The following TMEM268 variants were observed in gnomAD, a reference collection of about 807,000 sequenced individuals.
TMEM268 encodes transmembrane protein C9orf91.
In TMEM268, 24 loss-of-function variants were observed where a neutral mutation model predicts 39.1. That is an observed-to-expected ratio of 0.61 (90% confidence interval 0.44 to 0.86). The LOEUF (loss-of-function observed/expected upper bound fraction) is 0.86, where lower values mean the gene tolerates loss of function less well. TMEM268 is among the 40% of genes least tolerant of loss of function. TMEM268 has a pLI of 0.00. For synonymous variants in TMEM268, 176 were observed against 173.5 expected (o/e 1.01, Z -0.12); for missense variants, 409 against 428.6 (o/e 0.95, Z 0.40).
upstream of TMEM268, among the ~76,000 whole-genome samples, chr9:114,609,748 AAAGAAAG>A (rs1246681462): frequency 2.2e-5 from 1 of 46,014 alleles, no homozygotes; most frequent in African/African-American, 8.1e-5. Context: ...GGAAGGAAAG[AAAGAAAG>A]AAAGAAAGAA....
At chr9:114,622,572 A>G in intron 2 of TMEM268, 1 of 919,166 alleles carries the variant, frequency 1.1e-6, no homozygotes, top group Non-Finnish European at 1.3e-6. Context: ...TTTTCTCTCC[A>G]GCTGGTCTCA....
chr9:114,608,387 C>T (rs1346504431), upstream of TMEM268, among the ~76,000 whole-genome samples: 1 of 152,206 alleles, frequency 6.6e-6, no homozygotes, highest in African/African-American at 2.4e-5. Flanking sequence ...AGTGGTAGAG[C>T]CTGGTGGGCC....
chr9:114,628,986 G>A (rs1198580513), intron 5 of TMEM268, among the ~76,000 whole-genome samples: 3 of 152,130 alleles, frequency 2.0e-5, no homozygotes, highest in Non-Finnish European at 4.4e-5. Flanking sequence ...TAAATCCTTC[G>A]ACATTAAATC....
chr9:114,638,564 G>T lies in TMEM268; in HGVS notation c.687G>T (p.Leu229Phe), dbSNP rs749703586. 5.0e-5 allele frequency: 80 copies of T among 1,585,936 alleles called. No individual in the cohort carries two copies. Among genetic ancestry groups the T allele is most frequent in the Middle Eastern group, 1.7e-4 (1 of 5,994 alleles). The change falls in exon 8 of 9, where the codon TTG (leucine) becomes TTT (phenylalanine). Residue 229 changes from leucine (L) to phenylalanine (F), a missense_variant. By Grantham distance (22) the Leu-to-Phe change is conservative. Transcript: ENST00000288502. ...TGCAGTCCTTGCTGAGAAGCAGATT[G>T]AGCCAGTTGTGTGTTGTCATGGAGA... ...TSQESLLRSR[L>F]SQLCVVMETG... is the part of the protein sequence containing the mutation.
chr9:114,616,723 C>A (rs1328501290), intron 1 of TMEM268, among the ~76,000 whole-genome samples: 2 of 151,732 alleles, frequency 1.3e-5, no homozygotes, highest in African/African-American at 4.8e-5. Context: ...TACTTGAAAT[C>A]CTGTGTGTAA....
chr9:114,641,837 A>G (rs1258441314), intron 8 of TMEM268, among the ~76,000 whole-genome samples: 4 of 151,550 alleles, frequency 2.6e-5, no homozygotes, highest in African/African-American at 7.3e-5. Flanking sequence ...ACGGGGTTTC[A>G]CCATGTTGAC....
intron 5 of TMEM268, among the ~76,000 whole-genome samples, chr9:114,632,065 T>C: frequency 6.9e-6 from 1 of 144,232 alleles, no homozygotes; most frequent in East Asian, 2.1e-4. Flanking sequence ...ACCACTGCAT[T>C]CCAACCTGGG....
At chr9:114,609,731 G>GAAA (rs1554755158), upstream of TMEM268, among the ~76,000 whole-genome samples, 1,903 of 76,254 alleles carry the variant, frequency 0.025, 22 homozygotes, top group Admixed American at 0.037. Flanking sequence ...AAAAGAAAAA[G>GAAA]AAGGAAGGAA....
chr9:114,618,200 A>G (rs1334367328), intron 2 of TMEM268, among the ~76,000 whole-genome samples: 1 of 152,140 alleles, frequency 6.6e-6, no homozygotes, highest in African/African-American at 2.4e-5. Flanking sequence ...TAAAATACAC[A>G]TTTAGTCCAA....
intron 8 of TMEM268, among the ~76,000 whole-genome samples, chr9:114,642,239 T>C (rs1175221112): frequency 6.6e-6 from 1 of 152,136 alleles, no homozygotes; most frequent in Non-Finnish European, 1.5e-5. Context: ...TTTTACTTTC[T>C]CTCCCTGTGA....
chr9:114,628,198 C>G lies in TMEM268; in HGVS notation c.422C>G (p.Ala141Gly). 1 of 1,614,170 alleles carries G rather than the reference C, an allele frequency of 6.2e-7. No individual in the cohort carries two copies. Among genetic ancestry groups the G allele is most frequent in the Non-Finnish European group, 8.5e-7 (1 of 1,180,026 alleles). ...GGCATGCTGCTCGTGACCCTGGCCG[C>G]GGTGAGCCTGACCTTGACTCTTGTG... ...WAGMLLVTLA[A>G]VSLTLTLVLV... Residue 141 changes from alanine to glycine, a missense_variant, in exon 5 of 9, where the codon GCG (alanine) becomes GGG (glycine). Transcript: ENST00000288502.
upstream of TMEM268, among the ~76,000 whole-genome samples, chr9:114,610,329 G>A (rs7851940): frequency 0.47 from 72,053 of 152,040 alleles, 17,200 homozygotes; most frequent in Admixed American, 0.53. Flanking sequence ...GTGAGCCACC[G>A]CGCCCAGCCT....
intron 1 of TMEM268, among the ~76,000 whole-genome samples, chr9:114,612,700 C>G (rs1845552036): frequency 6.6e-6 from 1 of 152,160 alleles, no homozygotes. Flanking sequence ...CTTTGCCAAG[C>G]CCAGGAGCCT....
At chr9:114,610,335 A>G (rs1211674730), upstream of TMEM268, among the ~76,000 whole-genome samples, 1 of 152,176 alleles carries the variant, frequency 6.6e-6, no homozygotes, top group Admixed American at 6.6e-5. Flanking sequence ...CACCGCGCCC[A>G]GCCTGTAATG....
intron 8 of TMEM268, among the ~76,000 whole-genome samples, chr9:114,641,655 A>C (rs1589364515): frequency 6.7e-6 from 1 of 150,276 alleles, no homozygotes; most frequent in East Asian, 2.0e-4. Flanking sequence ...TTTTTTTTTG[A>C]AACGGAGTTT....
intron 2 of TMEM268, chr9:114,622,578 T>G: frequency 8.0e-6 from 7 of 878,878 alleles, no homozygotes; most frequent in Non-Finnish European, 9.6e-6. Context: ...CTCCAGCTGG[T>G]CTCATGGTCT....
Position 114,643,402 on chromosome 9 carries a change from G to GCTTCTCTCCTC in TMEM268, c.*89_*90insCTTCTCTCCTC. 8.2e-7 allele frequency: 1 copy of GCTTCTCTCCTC among 1,215,140 alleles called. No individual in the cohort carries two copies. The highest frequency in any genetic ancestry group is 1.2e-6 in the Non-Finnish European group (1 of 846,310). 75.3% of individuals were successfully genotyped at this position (1,215,140 alleles called of 1,614,324 possible). A position where few individuals can be genotyped will look rare whatever the true frequency, so the allele number is the denominator to read the frequency against. ...AGATGGCCAATGGGGAGCCCCAGGT[G>GCTTCTCTCCTC]AGGAGAGAAGCATCTGGGGGCACTC... On this transcript the variant is annotated 3_prime_UTR_variant, in exon 9 of 9. Coordinates refer to ENST00000288502, the MANE Select transcript of TMEM268 (RefSeq NM_153045.4).
At position 114,645,980 on chromosome 9, in the gene TMEM268, G is replaced by A. The variant is rs1197450807; in HGVS notation, c.*2667G>A. The A allele has an allele frequency of 2.0e-5, 3 of 151,782 alleles. No homozygotes were observed. The highest frequency in any genetic ancestry group is 3.9e-4 in the East Asian group (2 of 5,188). The allele number at this position is 151,782 out of a possible 1,614,324, so 9.4% of individuals were successfully genotyped here. On this transcript the variant is annotated 3_prime_UTR_variant, in exon 9 of 9. Coordinates refer to ENST00000288502, the MANE Select transcript of TMEM268 (RefSeq NM_153045.4). ...AATTTTTATTTATTTTTTTTTAAAT[G>A]TAATTTTTTCAGAGAGATAAGGTCT...
intron 5 of TMEM268, among the ~76,000 whole-genome samples, chr9:114,632,089 C>A (rs1244909748): frequency 3.8e-5 from 5 of 132,700 alleles, no homozygotes; most frequent in Admixed American, 8.1e-5. Flanking sequence ...CAGAGCGAGA[C>A]TAGGTCTCCA....
Sources: gnomAD v4.1 joint callset for allele counts (sites outside exome capture counted in the v4.1 genomes callset) on GRCh38, gnomAD v4.1.1 for gene constraint, MANE v1.5 for transcripts, NCBI Gene and HGNC (gene_info 2026-07-23, HGNC 2026-07-21) for gene names.